The following DDX52 variants were observed in gnomAD, a reference collection of about 807,000 sequenced individuals.
The protein encoded by DDX52 is DExD-box helicase 52.
Under a neutral mutation model 76.1 loss-of-function variants are expected in DDX52, and 59 were observed. The observed-to-expected ratio is 0.78, with a 90% CI of 0.63 to 0.96. DDX52 has a LOEUF of 0.96. Ranked by LOEUF, DDX52 falls within the 40% of genes least tolerant of loss-of-function variation. DDX52 has a pLI of 0.00. For synonymous variants in DDX52, 231 were observed against 244.1 expected, an observed-to-expected ratio of 0.95 and a Z score of 0.50; for missense variants, 707 against 703.9, an observed-to-expected ratio of 1.00 and a Z score of -0.05.
Position 37,642,173 on chromosome 17 carries a change from CTTT to C in DDX52, c.220_222del (p.Lys74del). On this transcript the variant is annotated inframe_deletion, in exon 2 of 15. Transcript: ENST00000617633. ...CTCTTCCTTTCAGTTAGGCTCTCTT[CTTT>C]TTTCTCTCCATTTTGGGGCTTCTGA... 6.2e-7 allele frequency: 1 copy of C among 1,613,980 alleles called. No homozygotes were observed. The highest frequency in any genetic ancestry group is 8.5e-7 in the Non-Finnish European group (1 of 1,180,010).
chr17:37,626,648 A>C, intron 7 of DDX52, 140 bp downstream of exon 7: 1 of 772,614 alleles, frequency 1.3e-6, no homozygotes, highest in Middle Eastern at 3.7e-4. Context: ...TTTTTTTAAA[A>C]AACCATTATT....
At chr17:37,626,719 C>G (rs2030393794) in intron 7 of DDX52, 69 bp downstream of exon 7, 3 of 1,482,534 alleles carry the variant, frequency 2.0e-6, no homozygotes, top group Non-Finnish European at 2.8e-6. Context: ...AAAATACAAG[C>G]AATAGAGGAC....
At chr17:37,621,632 T>C in intron 9 of DDX52, 112 bp from the exon 10 acceptor site, 1 of 1,399,392 alleles carries the variant, frequency 7.1e-7, no homozygotes, top group Non-Finnish European at 9.4e-7. Context: ...TGTACTTTCT[T>C]GGCCAAATTT....
intron 6 of DDX52, among the ~76,000 whole-genome samples, chr17:37,627,362 A>G (rs1242296490): frequency 6.6e-6 from 1 of 152,122 alleles, no homozygotes; most frequent in African/African-American, 2.4e-5. Context: ...GGCGCCCGCC[A>G]CCACGCCCAG....
At chr17:37,636,232 C>T (rs1217172889) in intron 2 of DDX52, among the ~76,000 whole-genome samples, 1 of 152,120 alleles carries the variant, frequency 6.6e-6, no homozygotes, top group Non-Finnish European at 1.5e-5. Context: ...AGTTTTAAAA[C>T]TTCAGTCTGA....
chr17:37,624,436 T>C lies in DDX52; in HGVS notation c.1137-2A>G. The C allele has an allele frequency of 3.1e-6, 5 of 1,600,636 alleles. No homozygotes were observed. In the South Asian group the frequency reaches 4.5e-5, roughly 14 times the overall value. ...TCTACAGTTTCTACTGCAGAATTCC[T>C]GGGAAGAAAATATACCTTGTAGTTT... On this transcript the variant is annotated splice_acceptor_variant, in intron 8 of 14. Transcript: ENST00000617633. LOFTEE classifies it high-confidence loss of function.
At chr17:37,618,200 ATTCTAC>A in intron 14 of DDX52, 86 bp downstream of exon 14, 1 of 928,062 alleles carries the variant, frequency 1.1e-6, no homozygotes, top group Non-Finnish European at 1.7e-6. Flanking sequence ...TGTAGTATCA[ATTCTAC>A]TTCTAAAAAT....
Position 37,612,379 on chromosome 17 carries a change from G to GA in DDX52, c.*1916dup, listed in dbSNP as rs2064378245. 1 of 152,076 alleles carries GA rather than the reference G, an allele frequency of 6.6e-6. No individual in the cohort carries two copies. The highest frequency in any genetic ancestry group is 2.4e-5 in the African/African-American group (1 of 41,418). 9.4% of individuals were successfully genotyped at this position (152,076 alleles called of 1,614,324 possible). On this transcript the variant is annotated 3_prime_UTR_variant, in exon 15 of 15. Coordinates refer to ENST00000617633, the MANE Select transcript of DDX52 (RefSeq NM_007010.5). Reference sequence around the variant, plus strand: ...GGCATGAGCCACTACGCCTGGCCAAGAAAAATATTTTCAATAAATTTAGTA... The same window carrying GA: ...GGCATGAGCCACTACGCCTGGCCAAGAAAAAATATTTTCAATAAATTTAGTA...
chr17:37,634,256 A>G (rs1001698700), intron 2 of DDX52, among the ~76,000 whole-genome samples: 2 of 151,928 alleles, frequency 1.3e-5, no homozygotes, highest in African/African-American at 4.8e-5. Context: ...GCCAAATGAG[A>G]AATTTCAATA....
rs767275261 is a variant in DDX52 at position 37,642,188 on chromosome 17, T to A, written c.208A>T (p.Asn70Tyr). Residue 70 changes from asparagine to tyrosine, a missense_variant, in exon 2 of 15, where the codon AAT becomes TAT. Coordinates refer to ENST00000617633, the MANE Select transcript of DDX52 (RefSeq NM_007010.5). The stretch of plus-strand genomic sequence containing the variant: ...AGGCTCTCTTCTTTTTTCTCTCCAT[T>A]TTGGGGCTTCTGATGTGTTTGTGAT... The part of the protein sequence containing the change: ...GASQTHQKPQ[N>Y]GEKKEESLTE... 6.2e-7 allele frequency: 1 copy of A among 1,614,176 alleles called. No individual in the cohort carries two copies. Among genetic ancestry groups the A allele is most frequent in the Non-Finnish European group, 8.5e-7 (1 of 1,180,028 alleles).
chr17:37,639,503 CA>C, intron 2 of DDX52: 2 of 958,262 alleles, frequency 2.1e-6, no homozygotes, highest in African/African-American at 1.8e-5. Context: ...TTTGGGAGCC[CA>C]AGGTGGGTGA....
chr17:37,620,163 C>A, intron 12 of DDX52: 1 of 267,518 alleles, frequency 3.7e-6, no homozygotes, highest in Non-Finnish European at 7.1e-6. Context: ...AGTGAAAGTG[C>A]CTACTATGGG....
chr17:37,640,759 G>A (rs1278125529), intron 2 of DDX52, among the ~76,000 whole-genome samples: 7 of 150,052 alleles, frequency 4.7e-5, no homozygotes, highest in Admixed American at 1.3e-4. Flanking sequence ...AGGTCGAGGC[G>A]GGCAGATCAC....
intron 3 of DDX52, 59 bp downstream of exon 3, chr17:37,633,229 C>T (rs898502888): frequency 2.6e-5 from 38 of 1,487,526 alleles, no homozygotes; most frequent in Admixed American, 8.7e-5. Context: ...CCAAATCCAG[C>T]GAATAAGTCA....
At position 37,627,596 on chromosome 17, in the gene DDX52, T is replaced by C. The variant is rs182498145; in HGVS notation, c.860-736A>G. ...ACAATTTAATTTTCAAATCTTTTTTTCCCCCAGGAAAATCATTTTTTTTAC... is the reference window on the plus strand; with the variant it reads ...ACAATTTAATTTTCAAATCTTTTTTCCCCCCAGGAAAATCATTTTTTTTAC... On this transcript the variant is annotated intron_variant, in intron 6 of 14. Transcript: ENST00000617633. Among the ~76,000 whole-genome samples, 21 of 150,190 alleles carry C rather than the reference T, an allele frequency of 1.4e-4. 1 individual carries two copies. The highest frequency in any genetic ancestry group is 4.5e-4 in the African/African-American group (18 of 39,906).
rs549227653 is a variant in DDX52, at chr17:37,619,821, C to A, written c.1596G>T (p.Gln532His). ...PLLRSVANVI[Q>H]QAGCPVPEYI... is the part of the protein sequence containing the mutation. ...ATTCTGGTACAGGACACCCAGCCTG[C>A]TGTATAACATTAGCAACGCTGAAAA... Residue 532 changes from glutamine (Q) to histidine (H), a missense_variant, in exon 13 of 15, where the codon CAG becomes CAT. Transcript: ENST00000617633. 5.0e-6 allele frequency: 8 copies of A among 1,613,854 alleles called. No individual in the cohort carries two copies. The African/African-American group carries it at 9.3e-5, about 19-fold the overall frequency.
At position 37,619,848 on chromosome 17, in the gene DDX52, G is replaced by A. The variant is rs577822602; in HGVS notation, c.1578-9C>T. The A allele has an allele frequency of 1.2e-6, 2 of 1,612,044 alleles. No homozygotes were observed. Among genetic ancestry groups the A allele is most frequent in the African/African-American group, 1.3e-5 (1 of 74,658 alleles). Reference sequence around the variant, plus strand: ...GTATAACATTAGCAACGCTGAAAAAGAAACCCATAAACATAAACTTGTATC... The same window carrying A: ...GTATAACATTAGCAACGCTGAAAAAAAAACCCATAAACATAAACTTGTATC... On this transcript the variant is annotated splice_polypyrimidine_tract_variant and intron_variant, in intron 12 of 14. Transcript: ENST00000617633.
At chr17:37,618,120 A>T (rs2029891298) in intron 14 of DDX52, among the ~76,000 whole-genome samples, 172 bp downstream of exon 14, 2 of 152,142 alleles carry the variant, frequency 1.3e-5, no homozygotes, top group Non-Finnish European at 2.9e-5. Flanking sequence ...GTCTCAAAAA[A>T]ACAAACAAAC....
chr17:37,632,829 C>G (rs2030745952), intron 3 of DDX52, among the ~76,000 whole-genome samples: 1 of 151,966 alleles, frequency 6.6e-6, no homozygotes, highest in African/African-American at 2.4e-5. Context: ...ACAGCAGACA[C>G]AAAAAAGGTA....
Sources: allele counts gnomAD v4.1 joint callset (sites outside exome capture counted in the v4.1 genomes callset), GRCh38; gene constraint gnomAD v4.1.1; transcripts MANE v1.5; gene names NCBI Gene and HGNC (gene_info 2026-07-23, HGNC 2026-07-21).